The following RPS6KC1 variants were observed in gnomAD, a reference collection of about 807,000 sequenced individuals.
RPS6KC1 encodes the protein ribosomal protein S6 kinase C1, also known as inactive ribosomal protein S6 kinase delta-1.
In RPS6KC1, 54 loss-of-function variants were observed where a neutral mutation model predicts 103.8. The ratio of observed to expected loss-of-function variants is 0.52; its 90% CI spans 0.42 to 0.65. The LOEUF is 0.65. Ranked by LOEUF, RPS6KC1 falls within the 30% of genes least tolerant of loss-of-function variation. The pLI, the probability that RPS6KC1 is intolerant of heterozygous loss-of-function variation, is 0.00. For synonymous variants in RPS6KC1, 439 were observed against 438.7 expected, an observed-to-expected ratio of 1.00 and a Z score of -0.01; for missense variants, 1,151 against 1,253.8, an observed-to-expected ratio of 0.92 and a Z score of 1.24.
At chr1:213,726,231 G>A in the RPS6KC1 span, among the ~76,000 whole-genome samples, 2 of 152,110 alleles carry the variant, frequency 1.3e-5, no homozygotes, top group African/African-American at 4.8e-5. Flanking sequence ...GACTACAGGT[G>A]CACGCTACTA....
the RPS6KC1 span, among the ~76,000 whole-genome samples, chr1:213,659,153 C>T: frequency 1.6e-4 from 24 of 152,056 alleles, no homozygotes; most frequent in African/African-American, 5.5e-4. Context: ...TTAGCAGAGA[C>T]AGAGTTTCTC....
chr1:213,783,603 C>T, the RPS6KC1 span, among the ~76,000 whole-genome samples: 2 of 151,544 alleles, frequency 1.3e-5, no homozygotes, highest in Admixed American at 1.3e-4. Context: ...AAACATGAAA[C>T]GAAAAAGTGG....
chr1:213,493,879 TGTTTCAGA>T, the RPS6KC1 span, among the ~76,000 whole-genome samples: 28 of 152,314 alleles, frequency 1.8e-4, no homozygotes, highest in Admixed American at 6.5e-4. Context: ...TGTCCTACAT[TGTTTCAGA>T]GTTTCAGAAA....
At chr1:213,461,460 C>G in the RPS6KC1 span, among the ~76,000 whole-genome samples, 2 of 152,038 alleles carry the variant, frequency 1.3e-5, no homozygotes, top group East Asian at 3.9e-4. Flanking sequence ...ACCGAAAAGC[C>G]CATATAGCCA....
chr1:213,528,081 T>G, the RPS6KC1 span, among the ~76,000 whole-genome samples: 1 of 152,112 alleles, frequency 6.6e-6, no homozygotes. Context: ...AAAATCCATG[T>G]ATAAGTGGAC....
chr1:213,602,643 T>C, the RPS6KC1 span, among the ~76,000 whole-genome samples: 2 of 152,172 alleles, frequency 1.3e-5, no homozygotes, highest in Admixed American at 1.3e-4. Flanking sequence ...GAGTTGATGT[T>C]TCAATTTTCT....
the RPS6KC1 span, among the ~76,000 whole-genome samples, chr1:213,651,410 G>T: frequency 1.3e-5 from 2 of 152,148 alleles, no homozygotes; most frequent in African/African-American, 4.8e-5. Flanking sequence ...CTGTGTATCG[G>T]CCCCCACTGT....
the RPS6KC1 span, among the ~76,000 whole-genome samples, chr1:213,399,662 C>A: frequency 6.6e-6 from 1 of 152,056 alleles, no homozygotes; most frequent in African/African-American, 2.4e-5. Context: ...ACCCTCTCCT[C>A]CCCCGCACCA....
the RPS6KC1 span, among the ~76,000 whole-genome samples, chr1:213,581,397 G>A: frequency 6.6e-6 from 1 of 152,082 alleles, no homozygotes; most frequent in South Asian, 2.1e-4. Context: ...ACAAGACATA[G>A]TCTCTTCTGG....
chr1:213,294,576 G>A, the RPS6KC1 span, among the ~76,000 whole-genome samples: 1 of 152,178 alleles, frequency 6.6e-6, no homozygotes, highest in Non-Finnish European at 1.5e-5. Flanking sequence ...GTGACTGTGG[G>A]ACAACACCTA....
At chr1:213,519,262 C>G in the RPS6KC1 span, among the ~76,000 whole-genome samples, 4 of 150,614 alleles carry the variant, frequency 2.7e-5, no homozygotes, top group Non-Finnish European at 5.9e-5. Context: ...TGTAGATCTC[C>G]TAGTTCAAAT....
the RPS6KC1 span, among the ~76,000 whole-genome samples, chr1:213,549,152 A>C: frequency 6.6e-6 from 1 of 152,092 alleles, no homozygotes; most frequent in Non-Finnish European, 1.5e-5. Flanking sequence ...ATCCCTCTTT[A>C]CTTAATTTTT....
At chr1:213,633,303 G>T in the RPS6KC1 span, among the ~76,000 whole-genome samples, 1 of 152,244 alleles carries the variant, frequency 6.6e-6, no homozygotes, top group East Asian at 1.9e-4. Flanking sequence ...AGAGAGAAAG[G>T]TCAGGTTACC....
At chr1:213,446,857 G>A in the RPS6KC1 span, among the ~76,000 whole-genome samples, 11 of 152,192 alleles carry the variant, frequency 7.2e-5, no homozygotes, top group South Asian at 1.7e-3. Flanking sequence ...TTTGCCACTC[G>A]GATACATCAC....
the RPS6KC1 span, among the ~76,000 whole-genome samples, chr1:213,551,468 G>A: frequency 0.024 from 3,578 of 152,220 alleles, 262 homozygotes; most frequent in East Asian, 0.28. Flanking sequence ...ATGAATGTTG[G>A]TATCTTGACC....
chr1:213,094,752 A>G (rs1466274049), intron 3 of RPS6KC1, among the ~76,000 whole-genome samples: 1 of 152,236 alleles, frequency 6.6e-6, no homozygotes, highest in Non-Finnish European at 1.5e-5. Context: ...TCCATAGAAC[A>G]TTGAACATTA....
chr1:213,734,137 AT>A, the RPS6KC1 span, among the ~76,000 whole-genome samples: 130 of 152,296 alleles, frequency 8.5e-4, no homozygotes, highest in African/African-American at 3.0e-3. Context: ...TATGTGCACC[AT>A]TTTCAAGGAG....
At chr1:213,641,362 A>G in the RPS6KC1 span, among the ~76,000 whole-genome samples, 5 of 152,142 alleles carry the variant, frequency 3.3e-5, no homozygotes, top group African/African-American at 1.2e-4. Flanking sequence ...AAGTTATGAG[A>G]CACTGAGCTT....
At chr1:213,463,028 T>G in the RPS6KC1 span, among the ~76,000 whole-genome samples, 1 of 152,272 alleles carries the variant, frequency 6.6e-6, no homozygotes, top group Non-Finnish European at 1.5e-5. Context: ...AACTTCTTAC[T>G]TCATTTCCAA....
Sources: allele counts gnomAD v4.1 joint callset (sites outside exome capture counted in the v4.1 genomes callset), GRCh38; gene constraint gnomAD v4.1.1; transcripts MANE v1.5; gene names NCBI Gene and HGNC (gene_info 2026-07-23, HGNC 2026-07-21).